LOXL1: variants seen among roughly 807,000 people sequenced by gnomAD.
LOXL1 encodes the protein lysyl oxidase homolog 1.
LOXL1 carries 31 observed loss-of-function variants against 62.2 expected under a neutral mutation model. The ratio of observed to expected loss-of-function variants is 0.50; its 90% CI spans 0.37 to 0.67. The LOEUF is 0.67. Ranked by LOEUF, LOXL1 falls within the 30% of genes least tolerant of loss-of-function variation. The pLI is 0.00. For missense variants in LOXL1, 775 were observed against 843.4 expected, an observed-to-expected ratio of 0.92 and a Z score of 1.00; for synonymous variants, 403 against 384.4, an observed-to-expected ratio of 1.05 and a Z score of -0.56.
At chr15:73,941,351 C>G (rs1391421430) in intron 1 of LOXL1, among the ~76,000 whole-genome samples, 1 of 152,060 alleles carries the variant, frequency 6.6e-6, no homozygotes, top group Non-Finnish European at 1.5e-5. Context: ...AGGCCCAGGC[C>G]CCAGGGAGAG....
chr15:73,934,128 T>G (rs1227962208), intron 1 of LOXL1, among the ~76,000 whole-genome samples: 1 of 152,084 alleles, frequency 6.6e-6, no homozygotes, highest in Non-Finnish European at 1.5e-5. Context: ...AACCCATCCT[T>G]CCCCCTGCTT....
In LOXL1 at chr15:73,927,155, GC is replaced by G; in HGVS notation, c.375del (p.Asp126ThrfsTer301). ...ARHPFGFGQV[P>X]DNWREVAVGD... ...GGCACCCATTCGGCTTTGGCCAGGTGCCCGACAACTGGCGCGAGGTGGCCGT... is the reference window on the plus strand; with the variant it reads ...GGCACCCATTCGGCTTTGGCCAGGTGCCGACAACTGGCGCGAGGTGGCCGT... On this transcript the variant is annotated frameshift_variant, in exon 1 of 7. Transcript: ENST00000261921. LOFTEE classifies it high-confidence loss of function. 6.6e-7 allele frequency: 1 copy of G among 1,520,682 alleles called. No homozygotes were observed. Among genetic ancestry groups the G allele is most frequent in the Non-Finnish European group, 8.8e-7 (1 of 1,134,158 alleles). The allele number at this position is 1,520,682 out of a possible 1,614,324, so 94.2% of individuals were successfully genotyped here. A position where few individuals can be genotyped will look rare whatever the true frequency, so the allele number is the denominator to read the frequency against.
At chr15:73,931,963 C>A (rs540794601) in intron 1 of LOXL1, among the ~76,000 whole-genome samples, 13 of 152,378 alleles carry the variant, frequency 8.5e-5, no homozygotes, top group Admixed American at 3.9e-4. Flanking sequence ...ATCCTCACAA[C>A]CTCCTAATGA....
At chr15:73,943,656 T>C (rs929151110) in intron 2 of LOXL1, among the ~76,000 whole-genome samples, 1 of 152,374 alleles carries the variant, frequency 6.6e-6, no homozygotes, top group Middle Eastern at 3.4e-3. Flanking sequence ...GCAGTTCATA[T>C]TCTGCTGGAA....
chr15:73,949,911 T>C (rs1266874818), intron 6 of LOXL1, among the ~76,000 whole-genome samples: 1 of 152,226 alleles, frequency 6.6e-6, no homozygotes, highest in Admixed American at 6.5e-5. Flanking sequence ...ATTGGGTTAC[T>C]TCCCTGAGCT....
chr15:73,951,991 A>G lies in LOXL1; in HGVS notation c.*154A>G. 1 of 506,344 alleles carries G rather than the reference A, an allele frequency of 2.0e-6. No homozygotes were observed. The highest frequency in any genetic ancestry group is 3.2e-6 in the Non-Finnish European group (1 of 309,630). 31.4% of individuals were successfully genotyped at this position (506,344 alleles called of 1,614,324 possible). On this transcript the variant is annotated 3_prime_UTR_variant, in exon 7 of 7. Coordinates refer to ENST00000261921, the MANE Select transcript of LOXL1 (RefSeq NM_005576.4). ...GGGAGCGAACGTGGATGAAAACCAC[A>G]GGGATTCCGGACGCCAGACCCCATT...
chr15:73,928,722 A>C (rs1008028695), intron 1 of LOXL1, among the ~76,000 whole-genome samples: 1 of 151,726 alleles, frequency 6.6e-6, no homozygotes, highest in Admixed American at 6.6e-5. Flanking sequence ...AATCAGCAAC[A>C]CGGATCCTGT....
intron 1 of LOXL1, among the ~76,000 whole-genome samples, chr15:73,934,542 T>C (rs1392486832): frequency 6.6e-6 from 1 of 152,194 alleles, no homozygotes; most frequent in African/African-American, 2.4e-5. Context: ...CCTGCCCTCA[T>C]GGGCTCTTGC....
Position 73,927,071 on chromosome 15 carries a change from G to C in LOXL1, c.288G>C (p.Gln96His). The stretch of plus-strand genomic sequence containing the variant: ...GCCACGGGAGCCCCCGGCGTCGGCA[G>C]GCGCCGTCCCTGCCCCTGCCGGGGC... ...RRSHGSPRRR[Q>H]APSLPLPGRV... Residue 96 changes from glutamine (Q) to histidine (H), a missense_variant, in exon 1 of 7, where the codon CAG becomes CAC. Transcript: ENST00000261921. The C allele has an allele frequency of 7.6e-7, 1 of 1,314,588 alleles. No homozygotes were observed. Among genetic ancestry groups the C allele is most frequent in the Non-Finnish European group, 9.7e-7 (1 of 1,027,180 alleles). The allele number at this position is 1,314,588 out of a possible 1,614,324, so 81.4% of individuals were successfully genotyped here.
chr15:73,938,642 C>T (rs1361262178), intron 1 of LOXL1, among the ~76,000 whole-genome samples: 4 of 152,226 alleles, frequency 2.6e-5, no homozygotes, highest in African/African-American at 7.2e-5. Flanking sequence ...ACCCGGGAAG[C>T]GGATGTTGCA....
chr15:73,941,944 C>T (rs551950898), intron 1 of LOXL1: 12 of 271,578 alleles, frequency 4.4e-5, no homozygotes, highest in South Asian at 2.9e-4. Flanking sequence ...GGACAGGCCC[C>T]GGGCTCTGGC....
chr15:73,927,878 C>T lies in LOXL1; in HGVS notation c.1095C>T (p.Asn365=). The T allele has an allele frequency of 3.8e-6, 5 of 1,320,182 alleles. No individual in the cohort carries two copies. Among genetic ancestry groups the T allele is most frequent in the Admixed American group, 4.2e-5 (1 of 24,054 alleles). The allele number at this position is 1,320,182 out of a possible 1,614,324, so 81.8% of individuals were successfully genotyped here. A position where few individuals can be genotyped will look rare whatever the true frequency, so the allele number is the denominator to read the frequency against. ...SVGSVYRPNQ[N]GRGLPDLVPD... ...GCAGCGTGTACCGGCCCAACCAGAA[C>T]GGCCGCGGTGAGTACGGCCCCGGCG... Residue 365 remains asparagine, a synonymous_variant, in exon 1 of 7, where the codon AAC becomes AAT. Coordinates refer to ENST00000261921, the MANE Select transcript of LOXL1 (RefSeq NM_005576.4).
chr15:73,938,264 A>G (rs1038746772), intron 1 of LOXL1, among the ~76,000 whole-genome samples: 5 of 95,534 alleles, frequency 5.2e-5, no homozygotes, highest in African/African-American at 2.0e-4. Context: ...TGGGCAACAG[A>G]GCTAGACTCC....
rs373089637 is a variant in LOXL1 at position 73,947,882 on chromosome 15, C to A, written c.1582C>A (p.Pro528Thr). 33 of 1,613,432 alleles carry A rather than the reference C, an allele frequency of 2.0e-5. No homozygotes were observed. The highest frequency in any genetic ancestry group is 2.7e-5 in the Non-Finnish European group (32 of 1,179,598). Residue 528 changes from proline to threonine, a missense_variant, in exon 5 of 7, where the codon CCT becomes ACT. Pro to Thr is a conservative substitution (Grantham distance 38). Transcript: ENST00000261921. ...CQWIDITDVQ[P>T]GNYILKVHVN... The stretch of plus-strand genomic sequence containing the variant: ...GTGGATCGACATAACCGACGTGCAG[C>A]CTGGGAACTACATCCTCAAGGTGGG...
rs1487353347 is a variant in LOXL1, at chr15:73,926,975, C to T, written c.192C>T (p.Ala64=). 6.6e-7 allele frequency: 1 copy of T among 1,512,858 alleles called. No individual in the cohort carries two copies. Among genetic ancestry groups the T allele is most frequent in the Admixed American group, 2.1e-5 (1 of 47,334 alleles). 93.7% of individuals were successfully genotyped at this position (1,512,858 alleles called of 1,614,324 possible). A position where few individuals can be genotyped will look rare whatever the true frequency, so the allele number is the denominator to read the frequency against. ...ACTCGGGCTCAGAGTACGTGCCGGC[C>T]GGACCTCAGCGCTCCGAGAGTAGCT... ...LLNSGSEYVP[A]GPQRSESSSR... The change falls in exon 1 of 7, where the codon GCC becomes GCT. Residue 64 remains alanine (A), a synonymous_variant. Coordinates refer to ENST00000261921, the MANE Select transcript of LOXL1 (RefSeq NM_005576.4).
rs56068707 is a variant in LOXL1, at chr15:73,945,759, A to C, written c.1212-658A>C. On this transcript the variant is annotated intron_variant, in intron 2 of 6. Transcript: ENST00000261921. This position sits in a 1 kb window ranked among gnomAD's most constrained non-coding sequence, Gnocchi z 4.3. Reference sequence around the variant, plus strand: ...AAGGGGGTCTCACTCTGTTGCCCAGACTGGAGTGCAGCAGCACAATTATAG... The same window carrying C: ...AAGGGGGTCTCACTCTGTTGCCCAGCCTGGAGTGCAGCAGCACAATTATAG... Among the ~76,000 whole-genome samples the C allele has an allele frequency of 0.012, 1,837 of 151,658 alleles. 32 individuals are homozygous for C. Among genetic ancestry groups the C allele is most frequent in the African/African-American group, 0.041 (1,688 of 41,290 alleles).
chr15:73,946,937 A>G, intron 3 of LOXL1, 130 bp from the exon 4 acceptor site: 1 of 1,018,134 alleles, frequency 9.8e-7, no homozygotes, highest in East Asian at 2.7e-5. Flanking sequence ...CTCAGGAGAC[A>G]GGAGAACCTA....
chr15:73,927,836 G>C lies in LOXL1; in HGVS notation c.1053G>C (p.Gln351His), dbSNP rs1463509276. The change falls in exon 1 of 7, where the codon CAG becomes CAC. Residue 351 changes from glutamine to histidine, a missense_variant. Coordinates refer to ENST00000261921, the MANE Select transcript of LOXL1 (RefSeq NM_005576.4). ...PPGGERNGAQ[Q>H]GRLSVGSVYR... is the part of the protein sequence containing the mutation. The stretch of plus-strand genomic sequence containing the variant: ...GTGGGGAGCGGAACGGCGCGCAGCA[G>C]GGCCGCCTCAGCGTGGGCAGCGTGT... The C allele has an allele frequency of 3.0e-6, 4 of 1,345,022 alleles. No homozygotes were observed. The highest frequency in any genetic ancestry group is 4.1e-5 in the Admixed American group (1 of 24,546). 83.3% of individuals were successfully genotyped at this position (1,345,022 alleles called of 1,614,324 possible).
chr15:73,927,754 C>T lies in LOXL1; in HGVS notation c.971C>T (p.Pro324Leu), dbSNP rs2068598877. Residue 324 changes from proline (P) to leucine (L), a missense_variant, in exon 1 of 7, where the codon CCG (proline) becomes CTG (leucine). Pro to Leu is a moderately conservative substitution (Grantham distance 98). Coordinates refer to ENST00000261921, the MANE Select transcript of LOXL1 (RefSeq NM_005576.4). ...CCGCCGCCCGAGGCGTACGGGCCGC[C>T]GCGCGCGCTGGAGCCGCCCTACCTG... ...ANPPPEAYGP[P>L]RALEPPYLPV... 2 of 1,450,366 alleles carry T rather than the reference C, an allele frequency of 1.4e-6. No individual in the cohort carries two copies. Among genetic ancestry groups the T allele is most frequent in the African/African-American group, 1.5e-5 (1 of 67,708 alleles). 89.8% of individuals were successfully genotyped at this position (1,450,366 alleles called of 1,614,324 possible). A position where few individuals can be genotyped will look rare whatever the true frequency, so the allele number is the denominator to read the frequency against.
Sources: gnomAD v4.1 joint callset for allele counts (sites outside exome capture counted in the v4.1 genomes callset) on GRCh38, gnomAD v4.1.1 for gene constraint, Gnocchi (gnomAD v3.1) non-coding constraint, MANE v1.5 for transcripts, NCBI Gene and HGNC (gene_info 2026-07-23, HGNC 2026-07-21) for gene names.